MDFIC2: variants seen among roughly 807,000 people sequenced by gnomAD.
The protein encoded by MDFIC2 is MyoD family inhibitor domain containing 2, also known as myoD family inhibitor domain-containing protein 2.
At chr3:70,204,033 A>T (rs1701267678) in intron 3 of MDFIC2, among the ~76,000 whole-genome samples, 1 of 152,162 alleles carries the variant, frequency 6.6e-6, no homozygotes, top group African/African-American at 2.4e-5. Context: ...TTAAATTCCC[A>T]TCAGAGCACA....
intron 2 of MDFIC2, among the ~76,000 whole-genome samples, chr3:70,286,220 T>G (rs1702161116): frequency 6.6e-6 from 1 of 152,222 alleles, no homozygotes; most frequent in East Asian, 1.9e-4. Flanking sequence ...ACATCCATCT[T>G]GAATTAATTT....
At chr3:70,285,909 G>T (rs1393079919) in intron 2 of MDFIC2, among the ~76,000 whole-genome samples, 7 of 151,026 alleles carry the variant, frequency 4.6e-5, no homozygotes, top group African/African-American at 1.7e-4. Context: ...GGGGTTGTTT[G>T]TTTTTTTCTT....
intron 2 of MDFIC2, among the ~76,000 whole-genome samples, chr3:70,277,137 G>A (rs9868241): frequency 0.91 from 137,860 of 152,234 alleles, 62,474 homozygotes; most frequent in East Asian, 0.97. Context: ...GTGAGACCTC[G>A]GCAGTTTTAT....
At chr3:70,294,121 TTTA>T (rs1478173744) in intron 2 of MDFIC2, among the ~76,000 whole-genome samples, 1 of 152,148 alleles carries the variant, frequency 6.6e-6, no homozygotes, top group Non-Finnish European at 1.5e-5. Flanking sequence ...TTCTCAGTGT[TTTA>T]GAAATGTCAG....
intron 2 of MDFIC2, among the ~76,000 whole-genome samples, chr3:70,258,811 T>C (rs1226223926): frequency 6.6e-6 from 1 of 152,140 alleles, no homozygotes; most frequent in Non-Finnish European, 1.5e-5. Flanking sequence ...AATATAACCA[T>C]AGAAGGAGGC....
intron 2 of MDFIC2, among the ~76,000 whole-genome samples, chr3:70,285,868 G>T (rs1184832367): frequency 6.6e-6 from 1 of 151,982 alleles, no homozygotes; most frequent in Non-Finnish European, 1.5e-5. Flanking sequence ...TTTGAGAAGT[G>T]TCTGTTCATG....
chr3:70,285,278 A>G (rs1322250692), intron 2 of MDFIC2, among the ~76,000 whole-genome samples: 13 of 140,700 alleles, frequency 9.2e-5, no homozygotes, highest in East Asian at 8.7e-4. Context: ...TCATTGTTCA[A>G]TTCCCACCTA....
At chr3:70,239,626 C>T (rs1209997402) in intron 2 of MDFIC2, among the ~76,000 whole-genome samples, 2 of 152,110 alleles carry the variant, frequency 1.3e-5, no homozygotes, top group Non-Finnish European at 2.9e-5. Flanking sequence ...TGAAGCTTAA[C>T]ATTTCTAGAC....
intron 2 of MDFIC2, among the ~76,000 whole-genome samples, chr3:70,237,899 T>G (rs1701625762): frequency 6.7e-6 from 1 of 148,614 alleles, no homozygotes; most frequent in African/African-American, 2.5e-5. Context: ...GAGGATGAAC[T>G]TACCAGGATC....
intron 2 of MDFIC2, among the ~76,000 whole-genome samples, chr3:70,211,224 T>A (rs1701341363): frequency 6.6e-6 from 1 of 151,710 alleles, no homozygotes; most frequent in Non-Finnish European, 1.5e-5. Context: ...TCACTTCCTT[T>A]CCTTTCCCTT....
intron 2 of MDFIC2, among the ~76,000 whole-genome samples, chr3:70,279,315 T>C (rs188389636): frequency 9.2e-5 from 14 of 152,076 alleles, no homozygotes; most frequent in Non-Finnish European, 1.8e-4. Context: ...CTTGAACACA[T>C]ATGGAGTGGG....
intron 2 of MDFIC2, among the ~76,000 whole-genome samples, chr3:70,259,317 A>G (rs1472691993): frequency 1.3e-5 from 2 of 152,172 alleles, no homozygotes; most frequent in Non-Finnish European, 2.9e-5. Context: ...AGTAAGCACC[A>G]TCTTTTGACT....
At chr3:70,273,097 GA>G (rs1356987330) in intron 2 of MDFIC2, among the ~76,000 whole-genome samples, 1 of 152,160 alleles carries the variant, frequency 6.6e-6, no homozygotes, top group Non-Finnish European at 1.5e-5. Context: ...TTTTGTCTGG[GA>G]AAGGCTGCCG....
chr3:70,207,110 A>T (rs542418100), intron 2 of MDFIC2, among the ~76,000 whole-genome samples: 1 of 151,252 alleles, frequency 6.6e-6, no homozygotes, highest in African/African-American at 2.4e-5. Flanking sequence ...CTCATAGTAC[A>T]TTGTCAGCCT....
At chr3:70,258,720 TA>T (rs1254461974) in intron 2 of MDFIC2, among the ~76,000 whole-genome samples, 1 of 152,158 alleles carries the variant, frequency 6.6e-6, no homozygotes, top group African/African-American at 2.4e-5. Flanking sequence ...AGCATGTTTT[TA>T]ATAGCGAAAA....
intron 2 of MDFIC2, among the ~76,000 whole-genome samples, chr3:70,278,269 A>G (rs974918374): frequency 1.2e-4 from 19 of 152,202 alleles, no homozygotes; most frequent in African/African-American, 4.6e-4. Flanking sequence ...CGGTAGTTCA[A>G]AAATTGCTTT....
chr3:70,264,562 G>A (rs578172327), intron 2 of MDFIC2, among the ~76,000 whole-genome samples: 1 of 152,298 alleles, frequency 6.6e-6, no homozygotes, highest in African/African-American at 2.4e-5. Flanking sequence ...AAAGTGAGTT[G>A]GGTGAGTCAA....
chr3:70,223,536 G>T (rs771505138), intron 2 of MDFIC2, among the ~76,000 whole-genome samples: 1 of 152,036 alleles, frequency 6.6e-6, no homozygotes, highest in Non-Finnish European at 1.5e-5. Context: ...GCCTCAATTT[G>T]GAAAGGCTGA....
chr3:70,198,301 CTT>C (rs1320518838), intron 3 of MDFIC2, among the ~76,000 whole-genome samples: 1 of 152,046 alleles, frequency 6.6e-6, no homozygotes, highest in African/African-American at 2.4e-5. Flanking sequence ...ATGCTAATAA[CTT>C]TGGTTTTCAG....
Sources: gnomAD v4.1 joint callset for allele counts (sites outside exome capture counted in the v4.1 genomes callset) on GRCh38, gnomAD v4.1.1 for gene constraint, MANE v1.5 for transcripts, NCBI Gene and HGNC (gene_info 2026-07-23, HGNC 2026-07-21) for gene names.